The following CACNB4 variants were observed in gnomAD, a reference collection of about 807,000 sequenced individuals.
CACNB4 encodes the protein voltage-dependent L-type calcium channel subunit beta-4.
CACNB4 carries 32 observed loss-of-function variants against 71.2 expected under a neutral mutation model. The observed-to-expected ratio is 0.45, with a 90% CI of 0.34 to 0.60. The LOEUF (loss-of-function observed/expected upper bound fraction) is 0.60. Ranked by LOEUF, CACNB4 falls within the 20% of genes least tolerant of loss-of-function variation. The probability of loss-of-function intolerance (pLI) is 0.01; values close to 1 mark genes in which losing one functional copy is unlikely to be tolerated. For missense variants in CACNB4, 464 were observed against 647.9 expected, an observed-to-expected ratio of 0.72 and a Z score of 3.08; for synonymous variants, 231 against 236.9, an observed-to-expected ratio of 0.97 and a Z score of 0.23.
chr2:151,847,475 C>T (rs1447923358), intron 12 of CACNB4, among the ~76,000 whole-genome samples: 2 of 152,168 alleles, frequency 1.3e-5, no homozygotes, highest in Non-Finnish European at 2.9e-5. Context: ...AAATAATCAA[C>T]CCAATGGTTC....
chr2:151,903,242 G>C (rs2099853914), intron 2 of CACNB4, among the ~76,000 whole-genome samples: 1 of 152,106 alleles, frequency 6.6e-6, no homozygotes, highest in African/African-American at 2.4e-5. Flanking sequence ...GGCCGGGCAT[G>C]GTGGCTCACA....
intron 2 of CACNB4, chr2:151,974,037 G>A (rs927273539): frequency 2.5e-5 from 26 of 1,044,806 alleles, no homozygotes; most frequent in African/African-American, 1.8e-4. Flanking sequence ...GCTGAAGAGC[G>A]TTCCCTCGGA....
At chr2:152,087,187 C>T (rs1687706303) in intron 2 of CACNB4, among the ~76,000 whole-genome samples, 1 of 150,900 alleles carries the variant, frequency 6.6e-6, no homozygotes, top group Non-Finnish European at 1.5e-5. Flanking sequence ...AATCCCAGCA[C>T]TTCGGGAGGC....
At chr2:151,998,609 C>A (rs1682210435) in intron 2 of CACNB4, among the ~76,000 whole-genome samples, 1 of 152,162 alleles carries the variant, frequency 6.6e-6, no homozygotes, top group Admixed American at 6.5e-5. Flanking sequence ...CAGAAATCCA[C>A]GGTGCTTATT....
At chr2:151,951,747 T>C (rs991646122) in intron 2 of CACNB4, among the ~76,000 whole-genome samples, 1 of 152,206 alleles carries the variant, frequency 6.6e-6, no homozygotes, top group Non-Finnish European at 1.5e-5. Flanking sequence ...CCTCTGTTTC[T>C]TCCTAACATA....
chr2:151,914,928 C>T lies in CACNB4; in HGVS notation c.148-31558G>A, dbSNP rs2099857074. Among the ~76,000 whole-genome samples the T allele has an allele frequency of 2.6e-5, 4 of 152,302 alleles. No homozygotes were observed. The South Asian group carries it at 8.3e-4, about 32-fold the overall frequency. On this transcript the variant is annotated intron_variant, in intron 2 of 13. Coordinates refer to ENST00000539935, the MANE Select transcript of CACNB4 (RefSeq NM_000726.5). ...GATCCCTCCTGTATAGGGTGTCTGA[C>T]AACCCCTGTTGGAGGGTGTCACCCA...
chr2:152,016,033 C>T (rs1181322258), intron 2 of CACNB4, among the ~76,000 whole-genome samples: 1 of 152,156 alleles, frequency 6.6e-6, no homozygotes, highest in Non-Finnish European at 1.5e-5. Context: ...GACTTGCTAA[C>T]CTAGGAATTC....
chr2:151,916,888 A>G (rs575524247), intron 2 of CACNB4, among the ~76,000 whole-genome samples: 48 of 152,354 alleles, frequency 3.2e-4, no homozygotes, highest in Non-Finnish European at 5.7e-4. Flanking sequence ...GAAAGGTACG[A>G]AACACCCTGC....
chr2:151,839,473 G>T, intron 13 of CACNB4, 94 bp from the exon 14 acceptor site: 1 of 987,498 alleles, frequency 1.0e-6, no homozygotes, highest in Non-Finnish European at 1.5e-6. Context: ...TGTACAATAA[G>T]ATGCTAAATA....
chr2:151,918,208 T>C (rs1453364905), intron 2 of CACNB4, among the ~76,000 whole-genome samples: 1 of 152,230 alleles, frequency 6.6e-6, no homozygotes, highest in East Asian at 1.9e-4. Flanking sequence ...AATATTTATT[T>C]TTTATTACAG....
intron 2 of CACNB4, among the ~76,000 whole-genome samples, chr2:152,009,863 G>C (rs562596488): frequency 2.3e-3 from 346 of 152,280 alleles, no homozygotes; most frequent in Non-Finnish European, 4.2e-3. Flanking sequence ...CTAGAGGAGG[G>C]AGCCACCTGC....
chr2:152,010,047 T>C (rs1257330418), intron 2 of CACNB4, among the ~76,000 whole-genome samples: 1 of 152,240 alleles, frequency 6.6e-6, no homozygotes, highest in African/African-American at 2.4e-5. Flanking sequence ...TCAAGGACCA[T>C]AGGGAGCTAA....
At chr2:151,884,551 C>A (rs541365660) in intron 2 of CACNB4, among the ~76,000 whole-genome samples, 1 of 141,174 alleles carries the variant, frequency 7.1e-6, no homozygotes, top group African/African-American at 2.6e-5. Context: ...AGGAGAATGG[C>A]GTGAACCCCG....
At chr2:151,907,452 C>T (rs938983708) in intron 2 of CACNB4, among the ~76,000 whole-genome samples, 1 of 152,174 alleles carries the variant, frequency 6.6e-6, no homozygotes, top group South Asian at 2.1e-4. Context: ...TACAGAGTTC[C>T]CATATACCCT....
chr2:151,930,305 G>A (rs991060757), intron 2 of CACNB4, among the ~76,000 whole-genome samples: 10 of 152,030 alleles, frequency 6.6e-5, no homozygotes, highest in African/African-American at 1.9e-4. Flanking sequence ...CTTTTGGGGC[G>A]AAAAAGTTAG....
intron 2 of CACNB4, among the ~76,000 whole-genome samples, chr2:151,929,977 AT>A (rs1267431113): frequency 6.6e-6 from 1 of 152,138 alleles, no homozygotes; most frequent in African/African-American, 2.4e-5. Context: ...TACAAACAAG[AT>A]TTGGGGAACA....
intron 2 of CACNB4, among the ~76,000 whole-genome samples, chr2:152,052,708 G>C (rs141931778): frequency 6.6e-6 from 1 of 152,106 alleles, no homozygotes; most frequent in African/African-American, 2.4e-5. Context: ...GGCCAGGAGC[G>C]GTGGCTCACG....
intron 2 of CACNB4, among the ~76,000 whole-genome samples, chr2:152,026,831 G>A (rs1431877669): frequency 2.6e-5 from 4 of 151,984 alleles, no homozygotes; most frequent in African/African-American, 7.3e-5. Context: ...GTCACCAATG[G>A]TATCCATATT....
chr2:152,004,593 A>G (rs563794867), intron 2 of CACNB4, among the ~76,000 whole-genome samples: 140 of 152,090 alleles, frequency 9.2e-4, no homozygotes, highest in African/African-American at 3.2e-3. Context: ...AACCTCCTTC[A>G]GTCAATCCTG....
Sources: gnomAD v4.1 joint callset for allele counts (sites outside exome capture counted in the v4.1 genomes callset) on GRCh38, gnomAD v4.1.1 for gene constraint, MANE v1.5 for transcripts, NCBI Gene and HGNC (gene_info 2026-07-23, HGNC 2026-07-21) for gene names.